Variants in CD99 observed in about 807,000 individuals in gnomAD.
The protein encoded by CD99 is CD99 molecule (Xg blood group).
A neutral mutation model predicts 28.4 loss-of-function variants in CD99; 19 were observed. That is an observed-to-expected ratio of 0.67 (90% CI 0.47 to 0.98). The LOEUF is 0.98. CD99 is among the 50% of genes least tolerant of loss of function. The pLI, the probability that CD99 is intolerant of heterozygous loss-of-function variation, is 0.00. For synonymous variants in CD99, 103 were observed against 92.1 expected (o/e 1.12, Z -0.67); for missense variants, 283 against 248.8 (o/e 1.14, Z -0.92).
At chrX:2,705,301 TC>T (rs2048063935) in intron 1 of CD99, among the ~76,000 whole-genome samples, 1 of 152,198 alleles carries the variant, frequency 6.6e-6, no homozygotes, top group Non-Finnish European at 1.5e-5. Context: ...CTGGCACACA[TC>T]CTGTTACTGA....
chrX:2,729,483 C>G (rs1427953350), intron 8 of CD99, among the ~76,000 whole-genome samples: 1 of 152,154 alleles, frequency 6.6e-6, no homozygotes, highest in East Asian at 1.9e-4. Context: ...ATCCCATTAT[C>G]ACGAGAACAG....
chrX:2,715,318 C>A (rs1257987291), intron 2 of CD99: 9 of 152,140 alleles, frequency 5.9e-5, no homozygotes, highest in African/African-American at 2.2e-4. Context: ...ATCTTCCAGA[C>A]CTGGACAACA....
chrX:2,736,118 C>A (rs1197123112), intron 8 of CD99, among the ~76,000 whole-genome samples: 1 of 150,744 alleles, frequency 6.6e-6, no homozygotes. Context: ...AAGAGAATGG[C>A]GTGAACCCTG....
intron 8 of CD99, among the ~76,000 whole-genome samples, chrX:2,728,815 T>A (rs2049434767): frequency 6.6e-6 from 1 of 151,822 alleles, no homozygotes; most frequent in Admixed American, 6.6e-5. Flanking sequence ...TTCTAGATGT[T>A]GTATTTCAAA....
At chrX:2,733,747 G>A in intron 8 of CD99, 1 of 324,148 alleles carries the variant, frequency 3.1e-6, no homozygotes, top group Non-Finnish European at 5.7e-6. Flanking sequence ...GGCCCAGGGT[G>A]GCCACCCTCT....
Position 2,740,776 on chromosome X carries a change from C to T in CD99, c.533-3C>T, listed in dbSNP as rs1166524457. On this transcript the variant is annotated splice_polypyrimidine_tract_variant and splice_region_variant and intron_variant, in intron 9 of 9. Transcript: ENST00000381192. ...GACTTTCTTTTGTCTCTGTCTCCCA[C>T]AGTTCAGCGTACTCTTTTAGAGAAA... is the stretch of plus-strand genomic sequence containing the variant. 3.7e-6 allele frequency: 6 copies of T among 1,613,872 alleles called. No homozygotes were observed. The highest frequency in any genetic ancestry group is 1.7e-4 in the Middle Eastern group (1 of 6,056).
chrX:2,691,757 C>T, intron 1 of CD99: 1 of 751,566 alleles, frequency 1.3e-6, no homozygotes, highest in Non-Finnish European at 2.5e-6. Context: ...TTTGCATGAG[C>T]CCCTCACCCC....
At chrX:2,692,095 G>A in intron 1 of CD99, 1 of 602,070 alleles carries the variant, frequency 1.7e-6, no homozygotes, top group East Asian at 2.8e-5. Flanking sequence ...CAGAAAAAGT[G>A]GGCAGGGAAG....
intron 1 of CD99, among the ~76,000 whole-genome samples, chrX:2,695,715 C>G (rs761908539): frequency 6.6e-6 from 1 of 151,364 alleles, no homozygotes; most frequent in Admixed American, 6.6e-5. Flanking sequence ...CTCACTGCGA[C>G]CTGTGTCTCC....
intron 2 of CD99, chrX:2,715,368 C>T (rs779579782): frequency 6.6e-6 from 1 of 152,420 alleles, no homozygotes; most frequent in South Asian, 2.1e-4. Flanking sequence ...CATGCTCCCT[C>T]TAGGGGCTCT....
chrX:2,710,938 T>C (rs1425617992), intron 1 of CD99, among the ~76,000 whole-genome samples: 1 of 144,982 alleles, frequency 6.9e-6, no homozygotes, highest in Non-Finnish European at 1.5e-5. Context: ...TGGCATGATC[T>C]CTGCTCACTG....
chrX:2,737,001 C>G lies in CD99; in HGVS notation c.476-1199C>G, dbSNP rs1411778248. Among the ~76,000 whole-genome samples the G allele has an allele frequency of 2.0e-5, 3 of 151,854 alleles. No individual in the cohort carries two copies. The South Asian group carries it at 6.2e-4, about 32-fold the overall frequency. On this transcript the variant is annotated intron_variant, in intron 8 of 9. Transcript: ENST00000381192. ...TTGTCCTTTGATGGCTGGGGAAGCT[C>G]TTAGTGCTCGGAGTCCTCACTCACC...
At chrX:2,723,022 G>A (rs1370622375) in intron 6 of CD99, among the ~76,000 whole-genome samples, 1 of 152,152 alleles carries the variant, frequency 6.6e-6, no homozygotes, top group Non-Finnish European at 1.5e-5. Context: ...CATTTTATTA[G>A]GCTGTTTTCT....
At chrX:2,710,591 A>T (rs1440463309) in intron 1 of CD99, among the ~76,000 whole-genome samples, 2 of 148,880 alleles carry the variant, frequency 1.3e-5, no homozygotes, top group East Asian at 2.0e-4. Context: ...AAGTCTTCCT[A>T]CCTTTCTAAA....
At chrX:2,734,450 G>A (rs2049830394) in intron 8 of CD99, among the ~76,000 whole-genome samples, 2 of 151,778 alleles carry the variant, frequency 1.3e-5, no homozygotes, top group African/African-American at 4.8e-5. Context: ...GGGACTACAG[G>A]CACACACCAC....
chrX:2,691,815 C>A (rs186978724), intron 1 of CD99: 12 of 776,148 alleles, frequency 1.5e-5, no homozygotes, highest in Non-Finnish European at 2.9e-5. Context: ...CTTCAGGCCG[C>A]GCGCGGAGGC....
chrX:2,716,165 T>C (rs1165503254), intron 2 of CD99, among the ~76,000 whole-genome samples: 1 of 151,982 alleles, frequency 6.6e-6, no homozygotes, highest in South Asian at 2.1e-4. Flanking sequence ...ATTACAGGCA[T>C]GCACCACCAT....
intron 1 of CD99, among the ~76,000 whole-genome samples, chrX:2,713,640 C>G (rs1030384770): frequency 3.9e-5 from 6 of 151,980 alleles, no homozygotes; most frequent in Non-Finnish European, 8.8e-5. Context: ...GGACACACTT[C>G]CGGTGTTCAC....
chrX:2,718,373 T>C (rs111668798), intron 3 of CD99, among the ~76,000 whole-genome samples: 5,750 of 149,718 alleles, frequency 0.038, 248 homozygotes, highest in East Asian at 0.17. Context: ...TTCTTTCTTT[T>C]TTTTTTTTTT....
Sources: allele counts gnomAD v4.1 joint callset (sites outside exome capture counted in the v4.1 genomes callset), GRCh38; gene constraint gnomAD v4.1.1; transcripts MANE v1.5; gene names NCBI Gene and HGNC (gene_info 2026-07-23, HGNC 2026-07-21).